SGCG: variants seen among roughly 807,000 people sequenced by gnomAD.
The protein encoded by SGCG is gamma-sarcoglycan.
SGCG carries 26 observed loss-of-function variants against 29.3 expected under a neutral mutation model. That is an observed-to-expected ratio of 0.89 (90% confidence interval 0.65 to 1.23). The LOEUF is 1.23. Ranked by LOEUF, SGCG falls within the 50% of genes most tolerant of loss-of-function variation. The pLI, the probability that SGCG is intolerant of heterozygous loss-of-function variation, is 0.00. For synonymous variants in SGCG, 145 were observed against 129.7 expected (o/e 1.12, Z -0.80); for missense variants, 353 against 356.0 (o/e 0.99, Z 0.07).
rs192320766 is a variant in SGCG at position 23,206,028 on chromosome 13, A to G, written c.195+2139A>G. On this transcript the variant is annotated intron_variant, in intron 2 of 7. Transcript: ENST00000218867. ...TAAATGACGTAATTACCTTAGGTGC[A>G]TGAGTTTGATTTCTTACTTTTGTAA... Among the ~76,000 whole-genome samples, 509 of 152,316 alleles carry G rather than the reference A, an allele frequency of 3.3e-3. 3 individuals carry two copies. The highest frequency in any genetic ancestry group is 0.012 in the African/African-American group (480 of 41,568).
intron 3 of SGCG, among the ~76,000 whole-genome samples, chr13:23,240,252 T>C (rs552497257): frequency 9.2e-5 from 14 of 152,300 alleles, no homozygotes; most frequent in Non-Finnish European, 1.9e-4. Context: ...TAAGATGACA[T>C]AGGAATAAAT....
chr13:23,231,287 A>G (rs1879100073), intron 2 of SGCG, among the ~76,000 whole-genome samples: 1 of 149,524 alleles, frequency 6.7e-6, no homozygotes, highest in African/African-American at 2.4e-5. Flanking sequence ...TGTCAGGATA[A>G]TGCTGCCTGT....
intron 2 of SGCG, among the ~76,000 whole-genome samples, chr13:23,225,349 T>C (rs373268563): frequency 1.4e-4 from 22 of 152,362 alleles, no homozygotes; most frequent in African/African-American, 5.0e-4. Flanking sequence ...TGTAAAATTA[T>C]GAGTTTCCCA....
chr13:23,190,154 ATG>A (rs1877183977), intron 1 of SGCG, among the ~76,000 whole-genome samples: 1 of 152,154 alleles, frequency 6.6e-6, no homozygotes, highest in South Asian at 2.1e-4. Flanking sequence ...GTATGAGTAT[ATG>A]TGGAAAGTAC....
chr13:23,193,207 G>A (rs552155965), intron 1 of SGCG, among the ~76,000 whole-genome samples: 1 of 152,218 alleles, frequency 6.6e-6, no homozygotes, highest in Non-Finnish European at 1.5e-5. Context: ...TTTGAGGGAT[G>A]GAAAGGCTGG....
chr13:23,287,740 T>TTTTG (rs60329567), intron 5 of SGCG, among the ~76,000 whole-genome samples: 26,752 of 151,020 alleles, frequency 0.18, 2,656 homozygotes, highest in Non-Finnish European at 0.21. Flanking sequence ...GACCAGGGTT[T>TTTTG]TTTGTTTGTT....
chr13:23,250,715 T>C lies in SGCG; in HGVS notation c.383T>C (p.Val128Ala), dbSNP rs1000108142. Residue 128 changes from valine (V) to alanine (A), a missense_variant and splice_region_variant, in exon 4 of 8, where the codon GTC (valine) becomes GCC (alanine). Coordinates refer to ENST00000218867, the MANE Select transcript of SGCG (RefSeq NM_000231.3). ...GGGGAGGTCACAGGCAGGTTAAAAG[T>C]CGGTGAGTCCAGCTTCATCATGGTG... ...SEGEVTGRLKVGPKMVEVQNQ... is the reference protein window; with the variant it reads ...SEGEVTGRLKAGPKMVEVQNQ... The C allele has an allele frequency of 6.3e-7, 1 of 1,589,270 alleles. No homozygotes were observed. The highest frequency in any genetic ancestry group is 1.3e-5 in the African/African-American group (1 of 74,378).
At chr13:23,210,927 C>CA (rs1555235370) in intron 2 of SGCG, among the ~76,000 whole-genome samples, 1 of 140,164 alleles carries the variant, frequency 7.1e-6, no homozygotes, top group Non-Finnish European at 1.6e-5. Context: ...GAACCATGTC[C>CA]GAAAAAAGTC....
intron 2 of SGCG, among the ~76,000 whole-genome samples, chr13:23,223,529 T>G (rs1345443130): frequency 6.6e-6 from 1 of 152,196 alleles, no homozygotes; most frequent in Non-Finnish European, 1.5e-5. Context: ...ATATATTAGA[T>G]TCTATTATTT....
upstream of SGCG, among the ~76,000 whole-genome samples, chr13:23,180,508 C>T (rs17078404): frequency 0.17 from 25,544 of 152,116 alleles, 2,173 homozygotes; most frequent in Non-Finnish European, 0.19. Context: ...GTCACTGTTA[C>T]ATGGTAATAT....
intron 5 of SGCG, among the ~76,000 whole-genome samples, chr13:23,285,367 A>T (rs908084817): frequency 6.6e-6 from 1 of 152,168 alleles, no homozygotes; most frequent in South Asian, 2.1e-4. Flanking sequence ...CTCGGTGGGG[A>T]TCCACCTAGG....
chr13:23,316,856 A>C (rs1882833771), intron 6 of SGCG, among the ~76,000 whole-genome samples: 2 of 152,218 alleles, frequency 1.3e-5, no homozygotes, highest in Admixed American at 1.3e-4. Flanking sequence ...TGTTTAAGTC[A>C]ACAGGCTAAG....
chr13:23,247,016 C>G (rs977473781), intron 3 of SGCG: 1 of 155,062 alleles, frequency 6.4e-6, no homozygotes, highest in Non-Finnish European at 1.5e-5. Context: ...TTGTAGAAAC[C>G]AATGCTCCCT....
At chr13:23,164,535 T>A in the SGCG span, among the ~76,000 whole-genome samples, 1 of 152,000 alleles carries the variant, frequency 6.6e-6, no homozygotes, top group African/African-American at 2.4e-5. Flanking sequence ...AGAAAAGAGG[T>A]TTCCTTTGGC....
chr13:23,306,140 T>A (rs1377134610), intron 6 of SGCG, among the ~76,000 whole-genome samples: 2 of 152,144 alleles, frequency 1.3e-5, no homozygotes, highest in African/African-American at 4.8e-5. Context: ...CTGGGATTAC[T>A]GGTGTCAGCC....
Position 23,250,701 on chromosome 13 carries a change from A to G in SGCG, c.369A>G (p.Thr123=). ...CGCGCAACTCAGAAGGGGAGGTCACAGGCAGGTTAAAAGTCGGTGAGTCCA... is the reference window on the plus strand; with the variant it reads ...CGCGCAACTCAGAAGGGGAGGTCACGGGCAGGTTAAAAGTCGGTGAGTCCA... ...VNARNSEGEV[T]GRLKVGPKMV... The change falls in exon 4 of 8, where the codon ACA becomes ACG. Residue 123 remains threonine (T), a synonymous_variant. Coordinates refer to ENST00000218867, the MANE Select transcript of SGCG (RefSeq NM_000231.3). 1 of 1,610,312 alleles carries G rather than the reference A, an allele frequency of 6.2e-7. No individual in the cohort carries two copies. Among genetic ancestry groups the G allele is most frequent in the Non-Finnish European group, 8.5e-7 (1 of 1,176,576 alleles).
At chr13:23,198,497 A>G (rs1028259387) in intron 1 of SGCG, among the ~76,000 whole-genome samples, 2 of 152,208 alleles carry the variant, frequency 1.3e-5, no homozygotes, top group South Asian at 2.1e-4. Flanking sequence ...CTGGAGCCCT[A>G]TCCATTAAAG....
chr13:23,258,167 T>C (rs970100770), intron 4 of SGCG, among the ~76,000 whole-genome samples: 2 of 152,228 alleles, frequency 1.3e-5, no homozygotes, highest in Admixed American at 1.3e-4. Flanking sequence ...TATTGATTCT[T>C]CCTATCCATG....
At chr13:23,223,233 A>G (rs1878744906) in intron 2 of SGCG, among the ~76,000 whole-genome samples, 1 of 86,290 alleles carries the variant, frequency 1.2e-5, no homozygotes, top group East Asian at 9.4e-4. Flanking sequence ...AGCTGAGATC[A>G]TGCCACTGAC....
Sources: gnomAD v4.1 joint callset for allele counts (sites outside exome capture counted in the v4.1 genomes callset) on GRCh38, gnomAD v4.1.1 for gene constraint, MANE v1.5 for transcripts, NCBI Gene and HGNC (gene_info 2026-07-23, HGNC 2026-07-21) for gene names.